The following FRMPD2 variants were observed in gnomAD, a reference collection of about 807,000 sequenced individuals.
The protein encoded by FRMPD2 is FERM and PDZ domain containing 2.
In FRMPD2, 96 loss-of-function variants were observed where a neutral mutation model predicts 140.1. The observed-to-expected ratio is 0.69, with a 90% CI of 0.58 to 0.81. FRMPD2 has a LOEUF of 0.81. FRMPD2 is among the 40% of genes least tolerant of loss of function. FRMPD2 has a pLI of 0.00. For missense variants in FRMPD2, 1,240 were observed against 1,447.4 expected, an observed-to-expected ratio of 0.86 and a Z score of 2.32; for synonymous variants, 449 against 547.6, an observed-to-expected ratio of 0.82 and a Z score of 2.52.
intron 14 of FRMPD2, among the ~76,000 whole-genome samples, chr10:48,204,635 T>C (rs1480525352): frequency 6.6e-6 from 1 of 152,256 alleles, no homozygotes; most frequent in Non-Finnish European, 1.5e-5. Context: ...GCTTTTTTGA[T>C]ATCTGCAGGA....
intron 1 of FRMPD2, among the ~76,000 whole-genome samples, chr10:48,254,828 C>T (rs1840456777): frequency 1.3e-5 from 2 of 152,226 alleles, no homozygotes; most frequent in Non-Finnish European, 2.9e-5. Context: ...CAGAGCTCTT[C>T]CCCACCATAT....
At chr10:48,267,877 G>T (rs1840705527) in intron 1 of FRMPD2, among the ~76,000 whole-genome samples, 1 of 152,194 alleles carries the variant, frequency 6.6e-6, no homozygotes, top group Non-Finnish European at 1.5e-5. Context: ...ATGCTAAAGT[G>T]AAAGAAGCCA....
chr10:48,186,133 C>A (rs1270167484), intron 17 of FRMPD2, among the ~76,000 whole-genome samples: 1 of 152,362 alleles, frequency 6.6e-6, no homozygotes, highest in East Asian at 1.9e-4. Flanking sequence ...TGGTCTTCCC[C>A]TGGCTTGGAT....
intron 14 of FRMPD2, among the ~76,000 whole-genome samples, chr10:48,202,492 T>G (rs949234933): frequency 1.3e-5 from 2 of 152,238 alleles, no homozygotes; most frequent in Non-Finnish European, 2.9e-5. Context: ...CTCTGTATAC[T>G]CTTTACTTTT....
At chr10:48,176,651 C>T (rs2132414596) in intron 22 of FRMPD2, among the ~76,000 whole-genome samples, 1 of 152,252 alleles carries the variant, frequency 6.6e-6, no homozygotes, top group Non-Finnish European at 1.5e-5. Flanking sequence ...AATCATCAAC[C>T]TCTTCTCAGC....
Position 48,157,165 on chromosome 10 carries a change from G to A in FRMPD2, c.*157C>T, listed in dbSNP as rs1286807283. 23 of 727,708 alleles carry A rather than the reference G, an allele frequency of 3.2e-5. No homozygotes were observed. The highest frequency in any genetic ancestry group is 2.2e-4 in the South Asian group (15 of 69,742). 45.1% of individuals were successfully genotyped at this position (727,708 alleles called of 1,614,324 possible). A position where few individuals can be genotyped will look rare whatever the true frequency, so the allele number is the denominator to read the frequency against. ...ACACAGGAGGCAGACGAGTGGTGAA[G>A]CTCATTATCTGGTGATGCAGCCGCA... On this transcript the variant is annotated 3_prime_UTR_variant, in exon 29 of 29. Coordinates refer to ENST00000374201, the MANE Select transcript of FRMPD2 (RefSeq NM_001018071.4).
intron 9 of FRMPD2, among the ~76,000 whole-genome samples, chr10:48,233,263 G>A (rs1839896025): frequency 6.6e-6 from 1 of 152,192 alleles, no homozygotes; most frequent in Admixed American, 6.5e-5. Flanking sequence ...GGACCCTGTG[G>A]GAGGGGGTTT....
intron 15 of FRMPD2, chr10:48,199,608 T>C (rs1215952330): frequency 2.6e-5 from 4 of 152,246 alleles, no homozygotes; most frequent in Admixed American, 6.5e-5. Context: ...AACATTTTAA[T>C]GTTTTTCCTT....
chr10:48,251,589 T>C lies in FRMPD2; in HGVS notation c.128A>G (p.Gln43Arg). 5 of 1,614,244 alleles carry C rather than the reference T, an allele frequency of 3.1e-6. No individual in the cohort carries two copies. Among genetic ancestry groups the C allele is most frequent in the Non-Finnish European group, 4.2e-6 (5 of 1,180,044 alleles). ...ACCGTTGCGGAGGTCTTCCAGGAGC[T>C]GCTCAGCGGCCAGGAACAGGAGGGA... The part of the protein sequence containing the change: ...IWSLLFLAAE[Q>R]LLEDLRNDSS... Residue 43 changes from glutamine to arginine, a missense_variant, in exon 2 of 29, where the codon CAG (glutamine) becomes CGG (arginine). Gln to Arg is a conservative substitution (Grantham distance 43, BLOSUM62 1). Transcript: ENST00000374201.
intron 1 of FRMPD2, among the ~76,000 whole-genome samples, chr10:48,253,155 T>A (rs1373422750): frequency 1.3e-5 from 2 of 152,232 alleles, no homozygotes; most frequent in Non-Finnish European, 2.9e-5. Flanking sequence ...TTAAAAGTCT[T>A]CTAGGCTGGT....
intron 16 of FRMPD2, among the ~76,000 whole-genome samples, chr10:48,188,002 A>C (rs1403785461): frequency 6.6e-6 from 1 of 152,212 alleles, no homozygotes; most frequent in Non-Finnish European, 1.5e-5. Flanking sequence ...CTGCACAGAG[A>C]TAAGCTACAT....
At position 48,239,677 on chromosome 10, in the gene FRMPD2, G is replaced by A. The variant is rs55802136; in HGVS notation, c.716C>T (p.Thr239Met). ...GGGCTCTGGTGAGCTCTGGGTCTCC[G>A]TGCTTCTTTCTGAAACTAATCAAGC... ...LHPCRVSERS[T>M]ETQSSPEPHW... Residue 239 changes from threonine to methionine, a missense_variant, in exon 7 of 29, where the codon ACG becomes ATG. Transcript: ENST00000374201. The A allele has an allele frequency of 3.5e-3, 5,679 of 1,613,608 alleles. 20 individuals are homozygous for A. The highest frequency in any genetic ancestry group is 4.0e-3 in the Non-Finnish European group (4,670 of 1,179,632).
chr10:48,230,100 C>T lies in FRMPD2; in HGVS notation c.1168+2015G>A, dbSNP rs12413659. ...ATTTTTACTTGAAATTTCACTGGTT[C>T]TTTAAATGTTTTGTTTTCTAGATTT... On this transcript the variant is annotated intron_variant, in intron 10 of 28. Coordinates refer to ENST00000374201, the MANE Select transcript of FRMPD2 (RefSeq NM_001018071.4). Among the ~76,000 whole-genome samples, 497 of 152,204 alleles carry T rather than the reference C, an allele frequency of 3.3e-3. 14 individuals carry two copies. Among genetic ancestry groups the T allele is most frequent in the Admixed American group, 0.029 (447 of 15,290 alleles).
At chr10:48,170,748 C>T (rs2132403484) in intron 26 of FRMPD2, among the ~76,000 whole-genome samples, 1 of 151,518 alleles carries the variant, frequency 6.6e-6, no homozygotes, top group South Asian at 2.1e-4. Context: ...AAGGCCAGGG[C>T]TTTATCTTCA....
chr10:48,186,966 T>A (rs1838703378), intron 17 of FRMPD2, among the ~76,000 whole-genome samples: 1 of 152,138 alleles, frequency 6.6e-6, no homozygotes, highest in African/African-American at 2.4e-5. Context: ...TGGACAAGAG[T>A]GCTGGGATTG....
chr10:48,201,208 A>T lies in FRMPD2; in HGVS notation c.1954+20T>A, dbSNP rs191295909. The stretch of plus-strand genomic sequence containing the variant: ...AACAAACTTGTCAAAGTGTATATGG[A>T]GAATACAGCTTCTACTCACCAAATA... On this transcript the variant is annotated intron_variant, in intron 15 of 28. Transcript: ENST00000374201. 31 of 1,573,666 alleles carry T rather than the reference A, an allele frequency of 2.0e-5. No individual in the cohort carries two copies. The East Asian group carries it at 6.4e-4, about 32-fold the overall frequency.
chr10:48,248,222 G>T (rs1840296057), intron 3 of FRMPD2, among the ~76,000 whole-genome samples: 1 of 152,130 alleles, frequency 6.6e-6, no homozygotes, highest in African/African-American at 2.4e-5. Context: ...GTGTTGTGTG[G>T]CTGCCTTGCA....
Position 48,242,177 on chromosome 10 carries a change from A to G in FRMPD2, c.551T>C (p.Leu184Pro). The G allele has an allele frequency of 6.2e-7, 1 of 1,613,342 alleles. No homozygotes were observed. The highest frequency in any genetic ancestry group is 1.7e-4 in the Middle Eastern group (1 of 6,056). Residue 184 changes from leucine to proline, a missense_variant, in exon 5 of 29, where the codon CTG (leucine) becomes CCG (proline). Physicochemically the swap from Leu to Pro is moderately conservative, Grantham distance 98 (BLOSUM62 -3). This residue lies in a region of FRMPD2 where 1,161 missense variants were observed against 1,055.9 expected (regional missense o/e 1.10). Transcript: ENST00000374201. ...LHIRRLVGLV[L>P]GTISEVEKRV... Reference sequence around the variant, plus strand: ...TCTACTGACCTCAGAAATGGTACCCAGAACCAAGCCAACCAGCCTTCTGAT... The same window carrying G: ...TCTACTGACCTCAGAAATGGTACCCGGAACCAAGCCAACCAGCCTTCTGAT...
chr10:48,249,989 G>T (rs1271050571), intron 2 of FRMPD2, among the ~76,000 whole-genome samples: 1 of 152,184 alleles, frequency 6.6e-6, no homozygotes, highest in Non-Finnish European at 1.5e-5. Context: ...CCACCTGGAG[G>T]TTGGGCTCTG....
Sources: gnomAD v4.1 joint callset for allele counts (sites outside exome capture counted in the v4.1 genomes callset) on GRCh38, gnomAD v4.1.1 for gene constraint, gnomAD v4.1.1 regional missense constraint, MANE v1.5 for transcripts, NCBI Gene and HGNC (gene_info 2026-07-23, HGNC 2026-07-21) for gene names.